Variants in GABRB1 observed in about 807,000 individuals in gnomAD.
GABRB1 encodes the protein gamma-aminobutyric acid type A receptor subunit beta1.
A neutral mutation model predicts 51.6 loss-of-function variants in GABRB1; 17 were observed. That is an observed-to-expected ratio of 0.33 (90% CI 0.23 to 0.49). GABRB1 has a LOEUF of 0.49. Ranked by LOEUF, GABRB1 falls within the 20% of genes least tolerant of loss-of-function variation. The pLI is 0.99. For synonymous variants in GABRB1, 247 were observed against 218.9 expected, an observed-to-expected ratio of 1.13 and a Z score of -1.14; for missense variants, 410 against 600.6, an observed-to-expected ratio of 0.68 and a Z score of 3.32.
In GABRB1 at chr4:47,110,303, G is replaced by C. The variant is rs530975929; in HGVS notation, c.241-50946G>C. 2.3e-3 allele frequency among the ~76,000 whole-genome samples: 350 copies of C among 151,854 alleles called. 1 individual carries two copies. The highest frequency in any genetic ancestry group is 8.2e-3 in the African/African-American group (340 of 41,422). ...TAAAAAAAAATACAAATCTCAAGAG[G>C]CACTGTTATTCTTACCTATTCAGCA... On this transcript the variant is annotated intron_variant, in intron 3 of 8. Coordinates refer to ENST00000295454, the MANE Select transcript of GABRB1 (RefSeq NM_000812.4).
chr4:47,070,410 C>A (rs181512652), intron 3 of GABRB1, among the ~76,000 whole-genome samples: 8 of 152,044 alleles, frequency 5.3e-5, no homozygotes, highest in African/African-American at 1.9e-4. Flanking sequence ...CACCTGACTG[C>A]AACCTCCACC....
At chr4:47,261,951 C>A (rs1722457187) in intron 4 of GABRB1, among the ~76,000 whole-genome samples, 1 of 151,616 alleles carries the variant, frequency 6.6e-6, no homozygotes, top group Admixed American at 6.6e-5. Flanking sequence ...GAAAGGATTC[C>A]CTATTTAATA....
chr4:47,220,428 G>C (rs146353903), intron 4 of GABRB1, among the ~76,000 whole-genome samples: 60 of 151,904 alleles, frequency 3.9e-4, no homozygotes, highest in African/African-American at 1.4e-3. Context: ...CAATCACTCC[G>C]GTTTGTTAAT....
intron 3 of GABRB1, among the ~76,000 whole-genome samples, chr4:47,040,569 T>G (rs567098550): frequency 6.6e-6 from 1 of 152,234 alleles, no homozygotes; most frequent in South Asian, 2.1e-4. Flanking sequence ...CACCATCTCT[T>G]TCACTGCTGA....
chr4:47,320,398 T>G (rs985504958), intron 5 of GABRB1, among the ~76,000 whole-genome samples, 189 bp downstream of exon 5: 3 of 152,230 alleles, frequency 2.0e-5, no homozygotes, highest in African/African-American at 7.2e-5. Flanking sequence ...TAGGGAAAGT[T>G]CACTTATTTT....
chr4:47,251,859 T>G (rs1342038321), intron 4 of GABRB1, among the ~76,000 whole-genome samples: 1 of 151,958 alleles, frequency 6.6e-6, no homozygotes, highest in Admixed American at 6.6e-5. Context: ...CAGCCCTGAG[T>G]CTATTTTCAG....
chr4:47,031,834 G>C (rs1171718348), intron 1 of GABRB1, 80 bp from the exon 2 acceptor site: 10 of 1,492,180 alleles, frequency 6.7e-6, no homozygotes, highest in Middle Eastern at 1.7e-4. Flanking sequence ...TGTTGTTTGG[G>C]GGTAGGTGTG....
At chr4:47,282,845 A>C (rs954557796) in intron 4 of GABRB1, among the ~76,000 whole-genome samples, 1 of 152,218 alleles carries the variant, frequency 6.6e-6, no homozygotes, top group Non-Finnish European at 1.5e-5. Context: ...AGGAAGGTTC[A>C]GAGATGTTCA....
intron 4 of GABRB1, among the ~76,000 whole-genome samples, chr4:47,189,143 G>A (rs1435610163): frequency 6.6e-6 from 1 of 151,916 alleles, no homozygotes; most frequent in Non-Finnish European, 1.5e-5. Flanking sequence ...CATTTGAGCT[G>A]AGTTATGAGT....
At chr4:47,272,883 A>G (rs1722927951) in intron 4 of GABRB1, among the ~76,000 whole-genome samples, 1 of 152,164 alleles carries the variant, frequency 6.6e-6, no homozygotes, top group Non-Finnish European at 1.5e-5. Flanking sequence ...GTTTAACTTT[A>G]TGGGACTGCT....
intron 5 of GABRB1, among the ~76,000 whole-genome samples, chr4:47,343,871 A>G (rs4495013): frequency 0.81 from 123,802 of 152,144 alleles, 50,578 homozygotes; most frequent in East Asian, 0.89. Context: ...GGTAGCAGAA[A>G]CTCAGAAACT....
intron 5 of GABRB1, among the ~76,000 whole-genome samples, chr4:47,397,298 A>G (rs1728209497): frequency 6.6e-6 from 1 of 152,230 alleles, no homozygotes; most frequent in African/African-American, 2.4e-5. Flanking sequence ...TGAGATTTAC[A>G]ATAGTTTATG....
chr4:47,382,253 C>T (rs1727623592), intron 5 of GABRB1, among the ~76,000 whole-genome samples: 1 of 152,100 alleles, frequency 6.6e-6, no homozygotes, highest in Admixed American at 6.6e-5. Context: ...ATTCTTTTTT[C>T]TAGGCCACTG....
chr4:47,288,151 T>C (rs923344042), intron 4 of GABRB1, among the ~76,000 whole-genome samples: 2 of 152,176 alleles, frequency 1.3e-5, no homozygotes, highest in Non-Finnish European at 2.9e-5. Context: ...TATACTCATC[T>C]AGTGTCGCAC....
At chr4:47,360,441 C>T (rs933044094) in intron 5 of GABRB1, among the ~76,000 whole-genome samples, 21 of 151,766 alleles carry the variant, frequency 1.4e-4, no homozygotes, top group Middle Eastern at 3.4e-3. Context: ...TAGCCAATTT[C>T]CTACAACAAG....
chr4:47,123,705 A>AATATTAT (rs1220538291), intron 3 of GABRB1, among the ~76,000 whole-genome samples: 1 of 16,356 alleles, frequency 6.1e-5, no homozygotes, highest in South Asian at 2.3e-3. Context: ...TTATATATAT[A>AATATTAT]ATATGATATA....
chr4:47,244,911 A>G (rs1721683089), intron 4 of GABRB1, among the ~76,000 whole-genome samples: 1 of 152,158 alleles, frequency 6.6e-6, no homozygotes, highest in East Asian at 1.9e-4. Flanking sequence ...TAAAATTGAC[A>G]CCCTAACATT....
chr4:47,199,249 G>T (rs1719803967), intron 4 of GABRB1, among the ~76,000 whole-genome samples: 1 of 152,166 alleles, frequency 6.6e-6, no homozygotes, highest in African/African-American at 2.4e-5. Flanking sequence ...TGCAAAATAA[G>T]TTAAATTAGG....
chr4:47,145,610 C>T (rs1447815032), intron 3 of GABRB1, among the ~76,000 whole-genome samples: 1 of 152,008 alleles, frequency 6.6e-6, no homozygotes, highest in Non-Finnish European at 1.5e-5. Context: ...AGGAACACGA[C>T]ATAGCATGTC....
Sources: allele counts gnomAD v4.1 joint callset (sites outside exome capture counted in the v4.1 genomes callset), GRCh38; gene constraint gnomAD v4.1.1; transcripts MANE v1.5; gene names NCBI Gene and HGNC (gene_info 2026-07-23, HGNC 2026-07-21).